The following FAT3 variants were observed in gnomAD, a reference collection of about 807,000 sequenced individuals.
FAT3 encodes protocadherin Fat 3.
A neutral mutation model predicts 310.2 loss-of-function variants in FAT3; 95 were observed. The observed-to-expected ratio is 0.31, with a 90% confidence interval of 0.26 to 0.36. The LOEUF (loss-of-function observed/expected upper bound fraction) is 0.36, where lower values mean the gene tolerates loss of function less well. Ranked by LOEUF, FAT3 falls within the 10% of genes least tolerant of loss-of-function variation. The pLI, the probability that FAT3 is intolerant of heterozygous loss-of-function variation, is 1.00. For missense variants in FAT3, 5,408 were observed against 5,715.6 expected, an observed-to-expected ratio of 0.95 and a Z score of 1.74; for synonymous variants, 2,314 against 2,192.9, an observed-to-expected ratio of 1.06 and a Z score of -1.54.
intron 3 of FAT3, among the ~76,000 whole-genome samples, chr11:92,577,112 T>C (rs902389923): frequency 1.3e-5 from 2 of 152,074 alleles, no homozygotes; most frequent in Non-Finnish European, 2.9e-5. Context: ...TTTATTTTTA[T>C]TTATTTATTT....
Position 92,883,401 on chromosome 11 carries a change from G to A in FAT3, c.12937+8G>A. 1 of 1,591,988 alleles carries A rather than the reference G, an allele frequency of 6.3e-7. No individual in the cohort carries two copies. Among genetic ancestry groups the A allele is most frequent in the South Asian group, 1.1e-5 (1 of 88,174 alleles). ...GGGACGCGGGAACTGAGAGTGAGTA[G>A]GAAGTGGTAATGCTCACCCCTCGGT... On this transcript the variant is annotated splice_region_variant and intron_variant, in intron 24 of 27. Transcript: ENST00000525166. This position sits in a 1 kb window ranked among gnomAD's most constrained non-coding sequence, Gnocchi z 4.2.
At chr11:92,507,642 G>A (rs1267788169) in intron 2 of FAT3, among the ~76,000 whole-genome samples, 1 of 150,612 alleles carries the variant, frequency 6.6e-6, no homozygotes, top group Non-Finnish European at 1.5e-5. Context: ...AGGAGATGTG[G>A]AATATATACA....
At chr11:92,566,451 G>A (rs941435991) in intron 3 of FAT3, among the ~76,000 whole-genome samples, 18 of 151,422 alleles carry the variant, frequency 1.2e-4, no homozygotes, top group East Asian at 3.9e-4. Flanking sequence ...CGTGAAAATG[G>A]CCATACTGCC....
chr11:92,463,690 G>T (rs2135119380), intron 2 of FAT3, among the ~76,000 whole-genome samples: 1 of 152,116 alleles, frequency 6.6e-6, no homozygotes, highest in African/African-American at 2.4e-5. Flanking sequence ...GGTAATTTTT[G>T]GAATCTGTAT....
chr11:92,616,561 C>T (rs1279699491), intron 3 of FAT3, among the ~76,000 whole-genome samples: 2 of 152,186 alleles, frequency 1.3e-5, no homozygotes, highest in Admixed American at 1.3e-4. Flanking sequence ...GATGCAGTTT[C>T]TTCCTAGAAT....
chr11:92,673,529 C>T (rs2135832279), intron 3 of FAT3, among the ~76,000 whole-genome samples: 1 of 152,164 alleles, frequency 6.6e-6, no homozygotes, highest in East Asian at 1.9e-4. Flanking sequence ...TCCTGGGTGA[C>T]AATAAGGGGT....
intron 1 of FAT3, among the ~76,000 whole-genome samples, chr11:92,276,925 TC>T (rs1946290443): frequency 6.6e-6 from 1 of 152,158 alleles, no homozygotes; most frequent in Non-Finnish European, 1.5e-5. Context: ...CCATTTACGT[TC>T]CTTTCTGGCT....
chr11:92,584,033 G>A (rs759802493), intron 3 of FAT3, among the ~76,000 whole-genome samples: 7 of 151,976 alleles, frequency 4.6e-5, no homozygotes, highest in Non-Finnish European at 1.0e-4. Context: ...GGTGACCTCA[G>A]GCAAGTTTCA....
chr11:92,349,060 G>A (rs1948491348), intron 1 of FAT3, among the ~76,000 whole-genome samples: 1 of 152,136 alleles, frequency 6.6e-6, no homozygotes, highest in Admixed American at 6.6e-5. Flanking sequence ...CAGTTGAACT[G>A]TATTTTTCAT....
At position 92,602,142 on chromosome 11, in the gene FAT3, C is replaced by T. The variant is rs543953378; in HGVS notation, c.3607+77194C>T. ...AGGCCAGAGTGCAATGGCGCAATCTCGGCTCACTGCAACCTCCGCCTCCAG... is the reference window on the plus strand; with the variant it reads ...AGGCCAGAGTGCAATGGCGCAATCTTGGCTCACTGCAACCTCCGCCTCCAG... On this transcript the variant is annotated intron_variant, in intron 3 of 27. Transcript: ENST00000525166. 5.9e-5 allele frequency among the ~76,000 whole-genome samples: 9 copies of T among 152,000 alleles called. No homozygotes were observed. The East Asian group carries it at 1.4e-3, about 23-fold the overall frequency.
chr11:92,657,506 G>A (rs901924064), intron 3 of FAT3, among the ~76,000 whole-genome samples: 1 of 152,210 alleles, frequency 6.6e-6, no homozygotes, highest in Admixed American at 6.5e-5. Context: ...GTAAAGTACA[G>A]ATGAGTGCCT....
intron 3 of FAT3, among the ~76,000 whole-genome samples, chr11:92,603,931 T>C (rs1273825557): frequency 1.3e-5 from 2 of 152,214 alleles, no homozygotes; most frequent in African/African-American, 4.8e-5. Context: ...TATTTTATCT[T>C]TCCCTTCATG....
intron 15 of FAT3, 68 bp from the exon 16 acceptor site, chr11:92,836,498 G>T (rs988952422): frequency 5.7e-5 from 89 of 1,570,346 alleles, no homozygotes; most frequent in Non-Finnish European, 7.2e-5. Context: ...ACAGACCTGG[G>T]ACCCTAAGAA....
intron 7 of FAT3, among the ~76,000 whole-genome samples, chr11:92,787,729 ATAT>A (rs1946930645): frequency 6.6e-6 from 1 of 150,822 alleles, no homozygotes; most frequent in African/African-American, 2.4e-5. Flanking sequence ...CTACAAAATA[ATAT>A]TAAAATTATT....
intron 3 of FAT3, among the ~76,000 whole-genome samples, chr11:92,540,709 T>C (rs542094141): frequency 1.3e-5 from 2 of 152,226 alleles, no homozygotes; most frequent in South Asian, 4.1e-4. Flanking sequence ...GGTGCCCTTG[T>C]GCCTTGAGTC....
chr11:92,488,450 G>C (rs867852028), intron 2 of FAT3, among the ~76,000 whole-genome samples: 159 of 9,316 alleles, frequency 0.017, no homozygotes, highest in Non-Finnish European at 0.03. Context: ...AACTAGCACC[G>C]CCCCCCCCCC....
At chr11:92,748,096 A>G (rs1303944571) in intron 4 of FAT3, among the ~76,000 whole-genome samples, 1 of 152,118 alleles carries the variant, frequency 6.6e-6, no homozygotes, top group Non-Finnish European at 1.5e-5. Context: ...ATGAAGACAT[A>G]CTCAAGGCTG....
At position 92,808,575 on chromosome 11, in the gene FAT3, T is replaced by C. The variant is rs538606875; in HGVS notation, c.9248-1268T>C. ...TAGGAGAGGGAAATGATCCAACCTG[T>C]ATCTGAGAACTGGCTGGCCATAGCC... is the stretch of plus-strand genomic sequence containing the variant. On this transcript the variant is annotated intron_variant, in intron 12 of 27. Coordinates refer to ENST00000525166, the MANE Select transcript of FAT3 (RefSeq NM_001367949.2). Among the ~76,000 whole-genome samples, 435 of 152,326 alleles carry C rather than the reference T, an allele frequency of 2.9e-3. 2 individuals carry two copies. The highest frequency in any genetic ancestry group is 9.5e-3 in the African/African-American group (396 of 41,562).
intron 6 of FAT3, among the ~76,000 whole-genome samples, chr11:92,767,800 C>A (rs1266556306): frequency 1.3e-5 from 2 of 152,102 alleles, no homozygotes; most frequent in Non-Finnish European, 2.9e-5. Flanking sequence ...CTTCCTCCTG[C>A]CAAAACCTCT....
Sources: gnomAD v4.1 joint callset for allele counts (sites outside exome capture counted in the v4.1 genomes callset) on GRCh38, gnomAD v4.1.1 for gene constraint, Gnocchi (gnomAD v3.1) non-coding constraint, MANE v1.5 for transcripts, NCBI Gene and HGNC (gene_info 2026-07-23, HGNC 2026-07-21) for gene names.